The following KBTBD3 variants were observed in gnomAD, a reference collection of about 807,000 sequenced individuals.
The protein encoded by KBTBD3 is kelch repeat and BTB domain containing 3.
In KBTBD3, 38 loss-of-function variants were observed where a neutral mutation model predicts 49.6. That is an observed-to-expected ratio of 0.77 (90% CI 0.59 to 1.00). The LOEUF (loss-of-function observed/expected upper bound fraction) is 1.00, where lower values mean the gene tolerates loss of function less well. Among genes scored for constraint, KBTBD3 ranks in the 50% least tolerant of loss-of-function variants. The probability of loss-of-function intolerance (pLI) is 0.00; values close to 1 mark genes in which losing one functional copy is unlikely to be tolerated. For missense variants in KBTBD3, 661 were observed against 712.0 expected (o/e 0.93, Z 0.81); for synonymous variants, 214 against 250.4 (o/e 0.85, Z 1.37).
intron 2 of KBTBD3, among the ~76,000 whole-genome samples, chr11:106,059,542 T>C (rs1032161777): frequency 1.3e-5 from 2 of 152,216 alleles, no homozygotes; most frequent in Admixed American, 1.3e-4. Context: ...AATGCTGATC[T>C]TGGACCATAG....
At chr11:106,062,614 T>G (rs1320422657) in intron 2 of KBTBD3, among the ~76,000 whole-genome samples, 1 of 152,248 alleles carries the variant, frequency 6.6e-6, no homozygotes, top group Non-Finnish European at 1.5e-5. Flanking sequence ...AGTCTTTTAT[T>G]CTATTCAATT....
At chr11:106,064,117 C>T (rs1403393888) in intron 2 of KBTBD3, among the ~76,000 whole-genome samples, 1 of 151,974 alleles carries the variant, frequency 6.6e-6, no homozygotes, top group African/African-American at 2.4e-5. Context: ...GGCATAAGAG[C>T]GAAGTTGAAC....
chr11:106,072,679 A>G (rs1042847530), intron 2 of KBTBD3, among the ~76,000 whole-genome samples: 2 of 152,254 alleles, frequency 1.3e-5, no homozygotes, highest in African/African-American at 4.8e-5. Context: ...TGATAAAAGC[A>G]GAACGTTAAA....
chr11:106,066,116 C>A (rs1348415721), intron 2 of KBTBD3, among the ~76,000 whole-genome samples: 1 of 152,112 alleles, frequency 6.6e-6, no homozygotes, highest in African/African-American at 2.4e-5. Context: ...ACAATGATCA[C>A]AACAATCTAA....
Position 106,068,856 on chromosome 11 carries a change from T to C in KBTBD3, c.-13+7651A>G, listed in dbSNP as rs1192022100. 2.0e-5 allele frequency among the ~76,000 whole-genome samples: 3 copies of C among 152,200 alleles called. 1 individual carries two copies. Among genetic ancestry groups the C allele is most frequent in the Middle Eastern group, 6.3e-3 (2 of 316 alleles). On this transcript the variant is annotated intron_variant, in intron 2 of 3. Transcript: ENST00000531837. ...AATATATAAAAGGAATTATACACTA[T>C]GGCTAAGTAAGTTTATCTAAGGATG...
chr11:106,056,206 C>T (rs1200522902), intron 3 of KBTBD3, among the ~76,000 whole-genome samples: 5 of 152,064 alleles, frequency 3.3e-5, no homozygotes, highest in Non-Finnish European at 5.9e-5. Context: ...TGTCAAATGT[C>T]TATTACATAT....
intron 2 of KBTBD3, among the ~76,000 whole-genome samples, chr11:106,067,075 G>A (rs1860823255): frequency 1.3e-5 from 2 of 151,992 alleles, no homozygotes; most frequent in South Asian, 4.2e-4. Context: ...CCTCCAAACT[G>A]CCCTCTTTAA....
intron 2 of KBTBD3, among the ~76,000 whole-genome samples, chr11:106,063,666 C>T (rs551918837): frequency 1.3e-5 from 2 of 152,274 alleles, no homozygotes; most frequent in East Asian, 1.9e-4. Flanking sequence ...GGTGCAGTGG[C>T]TTATGCCTGT....
intron 2 of KBTBD3, among the ~76,000 whole-genome samples, chr11:106,073,103 T>C (rs913943038): frequency 2.6e-5 from 4 of 152,054 alleles, no homozygotes; most frequent in African/African-American, 9.7e-5. Flanking sequence ...ATTTTTTGTT[T>C]GTTTTTTTGA....
intron 2 of KBTBD3, among the ~76,000 whole-genome samples, chr11:106,070,369 C>T (rs1392907680): frequency 1.3e-5 from 2 of 151,840 alleles, no homozygotes; most frequent in South Asian, 2.1e-4. Context: ...AAGAAATAAT[C>T]TATAAAGAAA....
chr11:106,077,280 C>T (rs1591541391), intron 1 of KBTBD3, 32 bp downstream of exon 1: 4 of 185,458 alleles, frequency 2.2e-5, no homozygotes, highest in Admixed American at 1.7e-4. Context: ...GCTACCATCC[C>T]ACTCCTCCCT....
At position 106,058,942 on chromosome 11, in the gene KBTBD3, A is replaced by G; in HGVS notation, c.156T>C (p.Tyr52=). The change falls in exon 3 of 4, where the codon TAT becomes TAC. Residue 52 remains tyrosine, a synonymous_variant. Transcript: ENST00000531837. The part of the protein sequence containing the change: ...LQNFREQNVF[Y]DFKIIMKDEI... ...CATCTTTCATAATTATTTTGAAATC[A>G]TAAAAGACATTTTGTTCTCTAAAAT... 1 of 1,576,432 alleles carries G rather than the reference A, an allele frequency of 6.3e-7. No homozygotes were observed. The highest frequency in any genetic ancestry group is 8.6e-7 in the Non-Finnish European group (1 of 1,168,554).
chr11:106,070,698 C>T (rs1469622507), intron 2 of KBTBD3, among the ~76,000 whole-genome samples: 8 of 151,994 alleles, frequency 5.3e-5, no homozygotes, highest in Admixed American at 5.2e-4. Flanking sequence ...ACCATATTAC[C>T]CAAGAATCAT....
At position 106,053,967 on chromosome 11, in the gene KBTBD3, A is replaced by T. The variant is rs1860494431; in HGVS notation, c.722T>A (p.Val241Glu). 11 of 1,613,780 alleles carry T rather than the reference A, an allele frequency of 6.8e-6. No homozygotes were observed. The highest frequency in any genetic ancestry group is 8.5e-6 in the Non-Finnish European group (10 of 1,179,822). The part of the protein sequence containing the change: ...QKYLPHLIEK[V>E]RLHQLSEETL... Reference sequence around the variant, plus strand: ...CTCCTCAGATAACTGATGTAATCTCACTTTTTCAATCAAATGAGGCAGATA... The same window carrying T: ...CTCCTCAGATAACTGATGTAATCTCTCTTTTTCAATCAAATGAGGCAGATA... Residue 241 changes from valine (V) to glutamate (E), a missense_variant, in exon 4 of 4, where the codon GTG (valine) becomes GAG (glutamate). Transcript: ENST00000531837.
chr11:106,054,311 G>T lies in KBTBD3; in HGVS notation c.378C>A (p.Phe126Leu), dbSNP rs780141545. Residue 126 changes from phenylalanine (F) to leucine (L), a missense_variant, in exon 4 of 4, where the codon TTC (phenylalanine) becomes TTA (leucine). Physicochemically the swap from Phe to Leu is conservative, Grantham distance 22. Transcript: ENST00000531837. Reference protein sequence around the residue: ...KITDDNVEMFFQLSSFLQVSF... With the variant: ...KITDDNVEMFLQLSSFLQVSF... ...AAACTTGAAGAAATGATGACAACTG[G>T]AAGAACATTTCCACATTATCATCTG... The T allele has an allele frequency of 1.9e-6, 3 of 1,613,348 alleles. No individual in the cohort carries two copies. The highest frequency in any genetic ancestry group is 3.3e-5 in the Admixed American group (2 of 59,894).
chr11:106,056,779 G>C (rs1350392695), intron 3 of KBTBD3, among the ~76,000 whole-genome samples: 1 of 152,136 alleles, frequency 6.6e-6, no homozygotes, highest in Non-Finnish European at 1.5e-5. Context: ...TAGATTTAGG[G>C]CATATGTATT....
At chr11:106,062,384 G>A (rs989623329) in intron 2 of KBTBD3, among the ~76,000 whole-genome samples, 1 of 152,154 alleles carries the variant, frequency 6.6e-6, no homozygotes, top group African/African-American at 2.4e-5. Flanking sequence ...GAAGTCCCAA[G>A]ATCTACAACT....
intron 2 of KBTBD3, among the ~76,000 whole-genome samples, chr11:106,063,417 G>A (rs1011582482): frequency 2.2e-4 from 34 of 152,144 alleles, no homozygotes; most frequent in African/African-American, 2.4e-5. Context: ...ATTGTTCTTT[G>A]CTCAAACTCC....
chr11:106,066,528 A>G (rs1485872956), intron 2 of KBTBD3, among the ~76,000 whole-genome samples: 3 of 152,186 alleles, frequency 2.0e-5, no homozygotes, highest in African/African-American at 4.8e-5. Flanking sequence ...CTGGATTTTA[A>G]TATCAAATGA....
Sources: gnomAD v4.1 joint callset for allele counts (sites outside exome capture counted in the v4.1 genomes callset) on GRCh38, gnomAD v4.1.1 for gene constraint, MANE v1.5 for transcripts, NCBI Gene and HGNC (gene_info 2026-07-23, HGNC 2026-07-21) for gene names.